PLEKHA7: variants seen among roughly 807,000 people sequenced by gnomAD.
PLEKHA7 encodes the protein pleckstrin homology domain containing A7.
Under a neutral mutation model 170.0 loss-of-function variants are expected in PLEKHA7, and 104 were observed. The observed-to-expected ratio is 0.61, with a 90% CI of 0.52 to 0.72. PLEKHA7 has a LOEUF of 0.72. Among genes scored for constraint, PLEKHA7 ranks in the 30% least tolerant of loss-of-function variants. The pLI is 0.00. For missense variants in PLEKHA7, 1,615 were observed against 1,671.7 expected (o/e 0.97, Z 0.59); for synonymous variants, 648 against 660.8 (o/e 0.98, Z 0.30).
Position 16,789,427 on chromosome 11 carries a change from G to T in PLEKHA7, c.3157-131C>A. On this transcript the variant is annotated intron_variant, in intron 22 of 26. Coordinates refer to ENST00000531066, the MANE Select transcript of PLEKHA7 (RefSeq NM_001329630.2). This position sits in a 1 kb window ranked among gnomAD's most constrained non-coding sequence, Gnocchi z 4.6. ...TGCACACTCTAGTTGGGCTCCTCTT[G>T]GCCTTAGAGAACTATTTCCTCTAAG... 1 of 847,208 alleles carries T rather than the reference G, an allele frequency of 1.2e-6. No individual in the cohort carries two copies. The highest frequency in any genetic ancestry group is 1.9e-6 in the Non-Finnish European group (1 of 539,338). The allele number at this position is 847,208 out of a possible 1,614,324, so 52.5% of individuals were successfully genotyped here.
rs1333390805 is a variant in PLEKHA7, at chr11:16,800,977, G to GA, written c.2405dup (p.Gln803ProfsTer14). The GA allele has an allele frequency of 7.4e-6, 12 of 1,612,418 alleles. No homozygotes were observed. Among genetic ancestry groups the GA allele is most frequent in the Admixed American group, 3.3e-5 (2 of 59,974 alleles). ...AGATGGACAGGTATCAGGTCACCTG[G>GA]AAAAAAAAGGCTCTTCTGTGTTGCT... On this transcript the variant is annotated frameshift_variant, in exon 17 of 27. Transcript: ENST00000531066. LOFTEE classifies it high-confidence loss of function.
chr11:16,892,406 T>TTGTGTGTGTGTGTGTGTGTG (rs58762762), intron 3 of PLEKHA7, among the ~76,000 whole-genome samples: 3 of 136,810 alleles, frequency 2.2e-5, no homozygotes, highest in African/African-American at 5.3e-5. Flanking sequence ...TTGTTTTATT[T>TTGTGTGTGTGTGTGTGTGTG]TGTGTGTGTG....
At chr11:16,909,789 A>G (rs1431165637) in intron 3 of PLEKHA7, among the ~76,000 whole-genome samples, 1 of 152,182 alleles carries the variant, frequency 6.6e-6, no homozygotes, top group Non-Finnish European at 1.5e-5. Flanking sequence ...TTCAGGCCTC[A>G]TGTATGAATT....
chr11:16,980,715 G>C (rs1383150898), intron 3 of PLEKHA7, among the ~76,000 whole-genome samples: 1 of 152,054 alleles, frequency 6.6e-6, no homozygotes, highest in East Asian at 1.9e-4. Context: ...CTGAGGTCAA[G>C]AGTTGAGACC....
intron 17 of PLEKHA7, among the ~76,000 whole-genome samples, chr11:16,797,188 G>A (rs1184065764): frequency 1.3e-5 from 2 of 152,340 alleles, no homozygotes; most frequent in African/African-American, 4.8e-5. Context: ...AGAGGGGTCT[G>A]ATGGGGTTAA....
In PLEKHA7 at chr11:16,989,791, G is replaced by GC. The variant is rs572659542; in HGVS notation, c.221+24197dup. 8.7e-4 allele frequency among the ~76,000 whole-genome samples: 133 copies of GC among 152,044 alleles called. 1 individual carries two copies. Among genetic ancestry groups the GC allele is most frequent in the African/African-American group, 2.7e-3 (113 of 41,474 alleles). On this transcript the variant is annotated intron_variant, in intron 3 of 26. Coordinates refer to ENST00000531066, the MANE Select transcript of PLEKHA7 (RefSeq NM_001329630.2). ...TACAAGAAGACAGGTGCCTCTTTTGGCCCCCCCGCCCCCAATGCCCACATA... is the reference window on the plus strand; with the variant it reads ...TACAAGAAGACAGGTGCCTCTTTTGGCCCCCCCCGCCCCCAATGCCCACATA...
chr11:16,971,166 C>T (rs951407671), intron 3 of PLEKHA7, among the ~76,000 whole-genome samples: 12 of 152,162 alleles, frequency 7.9e-5, no homozygotes, highest in Non-Finnish European at 4.4e-5. Context: ...AGACCCAGAT[C>T]TAAAATTCTG....
At chr11:16,936,577 T>C (rs1860321636) in intron 3 of PLEKHA7, among the ~76,000 whole-genome samples, 1 of 152,210 alleles carries the variant, frequency 6.6e-6, no homozygotes, top group South Asian at 2.1e-4. Context: ...AATCCAATTA[T>C]ATTCCTGGAG....
chr11:16,799,567 C>CA (rs892615617), intron 17 of PLEKHA7, among the ~76,000 whole-genome samples: 5 of 150,184 alleles, frequency 3.3e-5, no homozygotes, highest in Non-Finnish European at 5.9e-5. Flanking sequence ...AAAAATAAAG[C>CA]AAAAAAAAAT....
chr11:16,857,964 C>A (rs1853610333), intron 4 of PLEKHA7, among the ~76,000 whole-genome samples: 2 of 152,206 alleles, frequency 1.3e-5, no homozygotes, highest in African/African-American at 4.8e-5. Flanking sequence ...GGTGATCCGC[C>A]CACCTCGGCC....
intron 3 of PLEKHA7, among the ~76,000 whole-genome samples, chr11:16,965,559 T>C (rs1015981053): frequency 6.6e-6 from 1 of 152,072 alleles, no homozygotes. Flanking sequence ...TAGACAGAGA[T>C]GCAAGGGGAG....
At chr11:16,987,757 G>A (rs992875605) in intron 3 of PLEKHA7, among the ~76,000 whole-genome samples, 8 of 152,088 alleles carry the variant, frequency 5.3e-5, no homozygotes, top group Non-Finnish European at 8.8e-5. Context: ...AAGGCTTCCT[G>A]GATCCCTCCC....
intron 9 of PLEKHA7, among the ~76,000 whole-genome samples, chr11:16,827,929 C>G (rs1372741326): frequency 2.0e-5 from 3 of 151,344 alleles, no homozygotes. Context: ...AATAGAAATG[C>G]TACTGCATTT....
At chr11:17,013,954 G>A (rs1439264753) in intron 3 of PLEKHA7, 35 bp downstream of exon 3, 3 of 1,522,046 alleles carry the variant, frequency 2.0e-6, no homozygotes, top group Non-Finnish European at 2.6e-6. Flanking sequence ...CCCCCCCGCG[G>A]CACAGGTGCG....
intron 8 of PLEKHA7, among the ~76,000 whole-genome samples, chr11:16,845,753 G>A (rs1852345984): frequency 6.6e-6 from 1 of 152,204 alleles, no homozygotes; most frequent in Admixed American, 6.5e-5. Flanking sequence ...AGAGGTTCGA[G>A]TCAGCAGAAA....
intron 3 of PLEKHA7, among the ~76,000 whole-genome samples, chr11:16,940,184 C>G (rs907082465): frequency 6.6e-6 from 1 of 152,132 alleles, no homozygotes; most frequent in Non-Finnish European, 1.5e-5. Context: ...GTCTCTGGCC[C>G]CTAGCACAGT....
Position 16,778,448 on chromosome 11 carries a change from C to T in PLEKHA7, c.*550G>A, listed in dbSNP as rs1319842068. 6.3e-6 allele frequency: 1 copy of T among 159,418 alleles called. No homozygotes were observed. The highest frequency in any genetic ancestry group is 1.4e-5 in the Non-Finnish European group (1 of 71,974). The allele number at this position is 159,418 out of a possible 1,614,324, so 9.9% of individuals were successfully genotyped here. A position where few individuals can be genotyped will look rare whatever the true frequency, so the allele number is the denominator to read the frequency against. On this transcript the variant is annotated 3_prime_UTR_variant, in exon 27 of 27. Transcript: ENST00000531066. Reference sequence around the variant, plus strand: ...CGTGTGATCCTCGTGGAGTTTCACACAGAGCTGGTCATCAGGTCAGGGACA... The same window carrying T: ...CGTGTGATCCTCGTGGAGTTTCACATAGAGCTGGTCATCAGGTCAGGGACA...
intron 3 of PLEKHA7, among the ~76,000 whole-genome samples, chr11:16,958,811 A>G (rs1306154819): frequency 2.6e-5 from 4 of 152,058 alleles, no homozygotes; most frequent in African/African-American, 7.3e-5. Context: ...TAATTGCTCA[A>G]TTGCACAGCC....
chr11:16,855,027 G>A (rs1853315356), intron 5 of PLEKHA7, 34 bp from the exon 6 acceptor site: 1 of 1,588,984 alleles, frequency 6.3e-7, no homozygotes, highest in Non-Finnish European at 8.6e-7. Flanking sequence ...TAGCAACAGG[G>A]AATTTAAGGT....
Sources: gnomAD v4.1 joint callset for allele counts (sites outside exome capture counted in the v4.1 genomes callset) on GRCh38, gnomAD v4.1.1 for gene constraint, Gnocchi (gnomAD v3.1) non-coding constraint, MANE v1.5 for transcripts, NCBI Gene and HGNC (gene_info 2026-07-23, HGNC 2026-07-21) for gene names.